VSIG10L: variants seen among roughly 807,000 people sequenced by gnomAD.
VSIG10L encodes the protein V-set and immunoglobulin domain containing 10 like.
VSIG10L carries 63 observed loss-of-function variants against 67.3 expected under a neutral mutation model. The ratio of observed to expected loss-of-function variants is 0.94; its 90% CI spans 0.76 to 1.15. VSIG10L has a LOEUF of 1.15. VSIG10L is among the 50% of genes most tolerant of loss of function. The pLI is 0.00. For missense variants in VSIG10L, 1,050 were observed against 1,177.5 expected (o/e 0.89, Z 1.58); for synonymous variants, 499 against 524.9 (o/e 0.95, Z 0.67).
Position 51,338,114 on chromosome 19 carries a change from G to T in VSIG10L, c.1824C>A (p.Pro608=). 1 of 1,550,064 alleles carries T rather than the reference G, an allele frequency of 6.5e-7. No individual in the cohort carries two copies. Among genetic ancestry groups the T allele is most frequent in the Non-Finnish European group, 8.7e-7 (1 of 1,146,308 alleles). ...CTTCCCGGGCCCAGGATGCCCGTGA[G>T]GGTGGGGGACAACCAGAGGCCTCCA... ...VALEASGCPP[P]SRASWAREGR... is the part of the protein sequence containing the mutation. Residue 608 remains proline (P), a synonymous_variant, in exon 6 of 10, where the codon CCC becomes CCA. Transcript: ENST00000335624.
In VSIG10L at chr19:51,341,639, T is replaced by C. The variant is rs1985641738; in HGVS notation, c.409A>G (p.Thr137Ala). Residue 137 changes from threonine (T) to alanine (A), a missense_variant, in exon 2 of 10, where the codon ACT (threonine) becomes GCT (alanine). By Grantham distance (58) the Thr-to-Ala change is moderately conservative. Around this residue, in one of 3 missense-constraint regions of VSIG10L, gnomAD observed 511 missense variants for 557.9 expected, o/e 0.92. Transcript: ENST00000335624. ...ATGTTTGAAGCTGGGGTCTTAACAGTGAAGGAAGGCTTGGGGTCTTTGGCA... is the reference window on the plus strand; with the variant it reads ...ATGTTTGAAGCTGGGGTCTTAACAGCGAAGGAAGGCTTGGGGTCTTTGGCA... The part of the protein sequence containing the change: ...VPAKDPKPSF[T>A]VKTPASNIST... The C allele has an allele frequency of 6.4e-7, 1 of 1,551,618 alleles. No individual in the cohort carries two copies. The highest frequency in any genetic ancestry group is 8.7e-7 in the Non-Finnish European group (1 of 1,146,982).
rs1344021612 is a variant in VSIG10L, at chr19:51,340,463, T to G, written c.1159A>C (p.Arg387=). The G allele has an allele frequency of 6.7e-6, 10 of 1,503,148 alleles. No homozygotes were observed. The East Asian group carries it at 2.5e-4, about 38-fold the overall frequency. The allele number at this position is 1,503,148 out of a possible 1,614,324, so 93.1% of individuals were successfully genotyped here. The change falls in exon 3 of 10, where the codon AGG becomes CGG. Residue 387 remains arginine (R), a synonymous_variant. Transcript: ENST00000335624. This position sits in a 1 kb window ranked among gnomAD's most constrained non-coding sequence, Gnocchi z 6.3. ...TCRVRSPFGH[R]EAAADVSVFY... ...ACGCTGACGTCGGCGGCAGCCTCCCTGTGGCCGAAGGGGCTGCGGACGCGG... is the reference window on the plus strand; with the variant it reads ...ACGCTGACGTCGGCGGCAGCCTCCCGGTGGCCGAAGGGGCTGCGGACGCGG...
At chr19:51,337,695 T>G (rs1317978663) in intron 6 of VSIG10L, among the ~76,000 whole-genome samples, 161 bp from the exon 7 acceptor site, 57 of 70,740 alleles carry the variant, frequency 8.1e-4, no homozygotes, top group South Asian at 1.4e-3. Flanking sequence ...GATCTGAGGG[T>G]GGAAGGGGCT....
chr19:51,337,474 T>C lies in VSIG10L; in HGVS notation c.2069A>G (p.Asp690Gly). Residue 690 changes from aspartate to glycine, a missense_variant, in exon 7 of 10, where the codon GAT becomes GGT. By Grantham distance (94) the Asp-to-Gly change is moderately conservative. Transcript: ENST00000335624. ...RARDAAVLTWDVERGALISSF... is the reference protein window; with the variant it reads ...RARDAAVLTWGVERGALISSF... ...GCTGATCAGGGCCCCGCGCTCCACA[T>C]CCCAAGTCAGCACGGCTGCATCTCT... The C allele has an allele frequency of 6.4e-7, 1 of 1,550,402 alleles. No homozygotes were observed. Among genetic ancestry groups the C allele is most frequent in the Non-Finnish European group, 8.7e-7 (1 of 1,146,320 alleles).
chr19:51,341,088 G>C (rs998955613), intron 2 of VSIG10L, 65 bp downstream of exon 2: 56 of 1,450,116 alleles, frequency 3.9e-5, no homozygotes, highest in Non-Finnish European at 4.8e-5. Flanking sequence ...ACCGTGACTT[G>C]CCCAAAGCCT....
rs1985627349 is a variant in VSIG10L at position 51,341,212 on chromosome 19, G to GC, written c.835dup (p.Ala279GlyfsTer2). 1 of 1,549,522 alleles carries GC rather than the reference G, an allele frequency of 6.5e-7. No individual in the cohort carries two copies. Among genetic ancestry groups the GC allele is most frequent in the Non-Finnish European group, 8.7e-7 (1 of 1,146,350 alleles). ...GGAGACCCCTGCCCGGATGACCTCA[G>GC]CCGTGTAGACCCCTGCATCGTCCAG... On this transcript the variant is annotated frameshift_variant, in exon 2 of 10. Coordinates refer to ENST00000335624, the MANE Select transcript of VSIG10L (RefSeq NM_001163922.3). LOFTEE classifies it high-confidence loss of function.
chr19:51,337,586 A>G, intron 6 of VSIG10L, 52 bp from the exon 7 acceptor site: 14 of 290,846 alleles, frequency 4.8e-5, no homozygotes, highest in South Asian at 4.1e-4. Context: ...GGGAGAGGGA[A>G]GGGGGCTGGG....
chr19:51,339,226 C>T (rs1268299216), intron 4 of VSIG10L, 84 bp from the exon 5 acceptor site: 2 of 1,249,562 alleles, frequency 1.6e-6, no homozygotes, highest in Non-Finnish European at 2.0e-6. Context: ...TGACTCCACC[C>T]TTCTTCACTA....
Position 51,340,154 on chromosome 19 carries a change from C to G in VSIG10L, c.1335G>C (p.Pro445=), listed in dbSNP as rs1985591745. ...PADITWSLAD[P]AEAAVPAGSR... is the part of the protein sequence containing the mutation. Reference sequence around the variant, plus strand: ...ACCCCGCGGGCACCGCGGCCTCGGCCGGGTCCGCCAGGCTCCACGTGATGT... The same window carrying G: ...ACCCCGCGGGCACCGCGGCCTCGGCGGGGTCCGCCAGGCTCCACGTGATGT... The change falls in exon 4 of 10, where the codon CCG becomes CCC. Residue 445 remains proline, a synonymous_variant. Coordinates refer to ENST00000335624, the MANE Select transcript of VSIG10L (RefSeq NM_001163922.3). The surrounding 1 kb of genome is among the most constrained non-coding windows in gnomAD (Gnocchi z 6.3). The G allele has an allele frequency of 7.4e-7, 1 of 1,349,676 alleles. No homozygotes were observed. Among genetic ancestry groups the G allele is most frequent in the Non-Finnish European group, 9.5e-7 (1 of 1,055,886 alleles). 83.6% of individuals were successfully genotyped at this position (1,349,676 alleles called of 1,614,324 possible). A position where few individuals can be genotyped will look rare whatever the true frequency, so the allele number is the denominator to read the frequency against.
chr19:51,334,131 C>G, intron 8 of VSIG10L, 60 bp downstream of exon 8: 1 of 1,532,186 alleles, frequency 6.5e-7, no homozygotes, highest in Non-Finnish European at 8.8e-7. Flanking sequence ...TTCCATAGGC[C>G]TCTTTCTAGG....
chr19:51,334,893 C>T (rs991587917), intron 7 of VSIG10L, among the ~76,000 whole-genome samples: 1 of 152,158 alleles, frequency 6.6e-6, no homozygotes, highest in Non-Finnish European at 1.5e-5. Flanking sequence ...GAGCCCAGAT[C>T]GTGCCACTGC....
rs1248704462 is a variant in VSIG10L, at chr19:51,332,511, G to GA, written c.*99dup. ...TCATAGCAGGCCCTGGCTGCTGCTG[G>GA]AGTGAAATAGGAAGTTCTGGCCCAA... On this transcript the variant is annotated 3_prime_UTR_variant, in exon 10 of 10. Coordinates refer to ENST00000335624, the MANE Select transcript of VSIG10L (RefSeq NM_001163922.3). The GA allele has an allele frequency of 3.4e-5, 47 of 1,383,184 alleles. No individual in the cohort carries two copies. The highest frequency in any genetic ancestry group is 4.3e-5 in the Non-Finnish European group (43 of 994,126). The allele number at this position is 1,383,184 out of a possible 1,614,324, so 85.7% of individuals were successfully genotyped here.
chr19:51,338,183 A>C lies in VSIG10L; in HGVS notation c.1755T>G (p.His585Gln), dbSNP rs532340677. 1.8e-5 allele frequency: 27 copies of C among 1,499,838 alleles called. 1 individual carries two copies. In the South Asian group the frequency reaches 3.0e-4, roughly 17 times the overall value. The allele number at this position is 1,499,838 out of a possible 1,614,324, so 92.9% of individuals were successfully genotyped here. Residue 585 changes from histidine to glutamine, a missense_variant, in exon 6 of 10, where the codon CAT becomes CAG. His to Gln is a conservative substitution (Grantham distance 24). Around this residue, in one of 3 missense-constraint regions of VSIG10L, gnomAD observed 529 missense variants for 584.9 expected, o/e 0.90. Coordinates refer to ENST00000335624, the MANE Select transcript of VSIG10L (RefSeq NM_001163922.3). ...TPEAPREVLL[H>Q]PLVAETRLGE... is the part of the protein sequence containing the mutation. The stretch of plus-strand genomic sequence containing the variant: ...CCAACCGTGTCTCTGCCACCAGCGG[A>C]TGCAGCAGCACCTCTCGGGGGGCCT...
intron 7 of VSIG10L, among the ~76,000 whole-genome samples, chr19:51,334,600 T>C (rs1985438684): frequency 6.6e-6 from 1 of 152,042 alleles, no homozygotes; most frequent in Non-Finnish European, 1.5e-5. Context: ...AAATGAGCAA[T>C]ACATAAGATA....
chr19:51,332,924 A>G (rs1985392957), intron 9 of VSIG10L, among the ~76,000 whole-genome samples: 1 of 152,102 alleles, frequency 6.6e-6, no homozygotes, highest in African/African-American at 2.4e-5. Flanking sequence ...GTTAGAGCTC[A>G]CTGCAGCCTT....
rs1227773692 is a variant in VSIG10L, at chr19:51,340,500, G to A, written c.1122C>T (p.Ala374=). ...LIVRPVRSDH[A]RYTCRVRSPF... ...GGCTGCGGACGCGGCAAGTGTACCG[G>A]GCGTGGTCGCTGCGCACAGGGCGCA... Residue 374 remains alanine, a synonymous_variant, in exon 3 of 10, where the codon GCC becomes GCT. Transcript: ENST00000335624. The surrounding 1 kb of genome is among the most constrained non-coding windows in gnomAD (Gnocchi z 6.3). The A allele has an allele frequency of 1.3e-6, 2 of 1,530,724 alleles. No homozygotes were observed. Among genetic ancestry groups the A allele is most frequent in the East Asian group, 4.9e-5 (2 of 40,614 alleles). 94.8% of individuals were successfully genotyped at this position (1,530,724 alleles called of 1,614,324 possible).
In VSIG10L at chr19:51,338,891, G is replaced by T; in HGVS notation, c.1726C>A (p.Pro576Thr). 1 of 1,397,938 alleles carries T rather than the reference G, an allele frequency of 7.2e-7. No homozygotes were observed. The highest frequency in any genetic ancestry group is 1.6e-5 in the South Asian group (1 of 64,278). The allele number at this position is 1,397,938 out of a possible 1,614,324, so 86.6% of individuals were successfully genotyped here. Residue 576 changes from proline (P) to threonine (T), a missense_variant, in exon 5 of 10, where the codon CCG (proline) becomes ACG (threonine). Pro to Thr is a conservative substitution (Grantham distance 38, BLOSUM62 -1). Transcript: ENST00000335624. ...AAAAAGCCCCGCGCCCTCTCACCCG[G>T]CGTGACTGTGCAGGTACGCGTGGCC... ...LVATRTCTVT[P>T]EAPREVLLHP...
intron 5 of VSIG10L, 24 bp downstream of exon 5, chr19:51,338,864 C>T: frequency 7.3e-7 from 1 of 1,362,008 alleles, no homozygotes. Context: ...CGAGAAACAG[C>T]AAAAAAGCCC....
In VSIG10L at chr19:51,342,033, GGGGAGGCTGCTGA is replaced by G; in HGVS notation, c.40+39_41-27del. ...CTGCAGAGAAGAGAGGAAGGCATTG[GGGGAGGCTGCTGA>G]GGGAGACTGACAGGGAAGGGACTGA... On this transcript the variant is annotated intron_variant, in intron 1 of 9. Coordinates refer to ENST00000335624, the MANE Select transcript of VSIG10L (RefSeq NM_001163922.3). This position sits in a 1 kb window ranked among gnomAD's most constrained non-coding sequence, Gnocchi z 4.4. The G allele has an allele frequency of 6.4e-7, 1 of 1,551,732 alleles. No individual in the cohort carries two copies. The highest frequency in any genetic ancestry group is 1.2e-5 in the South Asian group (1 of 84,052).
Sources: gnomAD v4.1 joint callset for allele counts (sites outside exome capture counted in the v4.1 genomes callset) on GRCh38, gnomAD v4.1.1 for gene constraint, gnomAD v4.1.1 regional missense constraint, Gnocchi (gnomAD v3.1) non-coding constraint, MANE v1.5 for transcripts, NCBI Gene and HGNC (gene_info 2026-07-23, HGNC 2026-07-21) for gene names.